DOCK5: variants seen among roughly 807,000 people sequenced by gnomAD.
The protein encoded by DOCK5 is dedicator of cytokinesis 5.
Under a neutral mutation model 251.8 loss-of-function variants are expected in DOCK5, and 142 were observed. That is an observed-to-expected ratio of 0.56 (90% CI 0.49 to 0.65). The LOEUF is 0.65. Ranked by LOEUF, DOCK5 falls within the 30% of genes least tolerant of loss-of-function variation. DOCK5 has a pLI of 0.00. For synonymous variants in DOCK5, 842 were observed against 835.5 expected (o/e 1.01, Z -0.13); for missense variants, 2,111 against 2,312.3 (o/e 0.91, Z 1.79).
In DOCK5 at chr8:25,286,646, A is replaced by G. The variant is rs574643904; in HGVS notation, c.322-5378A>G. Among the ~76,000 whole-genome samples the G allele has an allele frequency of 6.1e-4, 92 of 151,876 alleles. 1 individual carries two copies. The highest frequency in any genetic ancestry group is 6.8e-3 in the Middle Eastern group (2 of 294). ...GAAAGGGTTTTTGACTGTGGTCTGC[A>G]TTGTTTTTCTCTTTTTTGTTTTTTT... is the stretch of plus-strand genomic sequence containing the variant. On this transcript the variant is annotated intron_variant, in intron 5 of 51. Transcript: ENST00000276440.
At chr8:25,404,409 G>A (rs1801489868) in intron 48 of DOCK5, among the ~76,000 whole-genome samples, 1 of 152,068 alleles carries the variant, frequency 6.6e-6, no homozygotes, top group South Asian at 2.1e-4. Context: ...AATGCTTGGG[G>A]CCCGAAGTGT....
intron 1 of DOCK5, among the ~76,000 whole-genome samples, chr8:25,223,228 A>C (rs1586240956): frequency 1.3e-5 from 2 of 151,700 alleles, no homozygotes; most frequent in Non-Finnish European, 2.9e-5. Flanking sequence ...CTGGTCTTGA[A>C]CTCCTGGCCT....
intron 20 of DOCK5, 134 bp downstream of exon 20, chr8:25,332,826 G>A: frequency 3.0e-6 from 2 of 665,524 alleles, no homozygotes; most frequent in Non-Finnish European, 2.4e-6. Context: ...ATTGTTTTAG[G>A]CTGAATTCCT....
At chr8:25,305,986 A>G (rs927409980) in intron 11 of DOCK5, among the ~76,000 whole-genome samples, 4 of 152,182 alleles carry the variant, frequency 2.6e-5, no homozygotes, top group South Asian at 2.1e-4. Context: ...TAATCTTTCA[A>G]TGTTAAGTCC....
At chr8:25,286,141 T>A (rs75483082) in intron 5 of DOCK5, among the ~76,000 whole-genome samples, 377 of 151,998 alleles carry the variant, frequency 2.5e-3, no homozygotes, top group Non-Finnish European at 4.5e-3. Context: ...CTTCCCGGGG[T>A]CCCTGGAGTC....
At chr8:25,247,507 G>A (rs1803149350) in intron 2 of DOCK5, among the ~76,000 whole-genome samples, 1 of 151,982 alleles carries the variant, frequency 6.6e-6, no homozygotes, top group African/African-American at 2.4e-5. Flanking sequence ...TAAGGTGGGA[G>A]GATTGCTTGA....
At chr8:25,201,673 A>G (rs1801880586) in intron 1 of DOCK5, among the ~76,000 whole-genome samples, 2 of 152,182 alleles carry the variant, frequency 1.3e-5, no homozygotes, top group Admixed American at 1.3e-4. Context: ...TTGAAGTCCA[A>G]GTCTCCTAAC....
chr8:25,331,183 A>G (rs967453129), intron 18 of DOCK5, among the ~76,000 whole-genome samples: 7 of 151,920 alleles, frequency 4.6e-5, no homozygotes, highest in Non-Finnish European at 7.4e-5. Context: ...GATGTACTAA[A>G]CTAGGTGATA....
In DOCK5 at chr8:25,351,781, G is replaced by T. The variant is rs149707730; in HGVS notation, c.2805G>T (p.Arg935Ser). The T allele has an allele frequency of 2.5e-6, 4 of 1,613,768 alleles. No homozygotes were observed. In the Admixed American group the frequency reaches 6.7e-5, roughly 27 times the overall value. Reference protein sequence around the residue: ...IQLIMERLLRRINRTVIGMNR... With the variant: ...IQLIMERLLRSINRTVIGMNR... ...TTATAATGGAACGGCTGCTGAGAAG[G>T]ATCAACCGGACAGTGATTGGGATGA... The change falls in exon 27 of 52, where the codon AGG becomes AGT. Residue 935 changes from arginine to serine, a missense_variant. Coordinates refer to ENST00000276440, the MANE Select transcript of DOCK5 (RefSeq NM_024940.8).
intron 25 of DOCK5, 173 bp from the exon 26 acceptor site, chr8:25,345,302 G>T: frequency 3.1e-6 from 2 of 647,908 alleles, no homozygotes; most frequent in Non-Finnish European, 5.0e-6. Flanking sequence ...CAAGGGTAAA[G>T]TTCCGTGCCT....
chr8:25,234,943 GT>G (rs2117527537), intron 1 of DOCK5, among the ~76,000 whole-genome samples: 1 of 152,152 alleles, frequency 6.6e-6, no homozygotes, highest in East Asian at 1.9e-4. Context: ...ACTCCCACTG[GT>G]TTATTGATGA....
intron 2 of DOCK5, among the ~76,000 whole-genome samples, chr8:25,247,443 A>T (rs1435540189): frequency 6.6e-6 from 1 of 152,010 alleles, no homozygotes; most frequent in East Asian, 1.9e-4. Flanking sequence ...CAAAAAATTT[A>T]AAACTTAGCC....
chr8:25,209,342 A>G lies in DOCK5; in HGVS notation c.43+24391A>G, dbSNP rs369611410. On this transcript the variant is annotated intron_variant, in intron 1 of 51. Coordinates refer to ENST00000276440, the MANE Select transcript of DOCK5 (RefSeq NM_024940.8). ...CAGTGGTCCAGGATGCCAGTCTGGC[A>G]GTGCCAGGGAAGGATGCTTCCTTTC... is the stretch of plus-strand genomic sequence containing the variant. Among the ~76,000 whole-genome samples the G allele has an allele frequency of 1.3e-4, 9 of 71,246 alleles. 4 individuals carry two copies. Among genetic ancestry groups the G allele is most frequent in the African/African-American group, 2.9e-4 (9 of 31,512 alleles). 46.7% of individuals were successfully genotyped at this position (71,246 alleles called of 152,430 possible).
At position 25,395,685 on chromosome 8, in the gene DOCK5, C is replaced by T. The variant is rs1160711150; in HGVS notation, c.4670C>T (p.Pro1557Leu). The T allele has an allele frequency of 5.0e-6, 8 of 1,613,656 alleles. No individual in the cohort carries two copies. Among genetic ancestry groups the T allele is most frequent in the Non-Finnish European group, 6.8e-6 (8 of 1,179,854 alleles). The change falls in exon 45 of 52, where the codon CCG (proline) becomes CTG (leucine). Residue 1557 changes from proline to leucine, a missense_variant. This residue lies in a region of DOCK5 where 1,717 missense variants were observed against 1,892.4 expected (regional missense o/e 0.91). Coordinates refer to ENST00000276440, the MANE Select transcript of DOCK5 (RefSeq NM_024940.8). ...LSMLLSGIVD[P>L]AVMGGFSNYE... ...ATGCTGCTCAGTGGCATCGTGGACC[C>T]GGCCGTCATGGGGGGCTTCTCCAAC...
At chr8:25,206,877 G>C (rs1802014013) in intron 1 of DOCK5, among the ~76,000 whole-genome samples, 1 of 152,220 alleles carries the variant, frequency 6.6e-6, no homozygotes, top group South Asian at 2.1e-4. Context: ...CCATGTGGAA[G>C]CCAATGTTGT....
intron 9 of DOCK5, among the ~76,000 whole-genome samples, chr8:25,302,000 T>C (rs781204725): frequency 1.4e-4 from 22 of 152,178 alleles, no homozygotes; most frequent in African/African-American, 2.2e-4. Context: ...TCCAAAGATA[T>C]ACAATCGCAA....
At chr8:25,363,799 C>G (rs913553998) in intron 29 of DOCK5, among the ~76,000 whole-genome samples, 1 of 152,218 alleles carries the variant, frequency 6.6e-6, no homozygotes, top group Non-Finnish European at 1.5e-5. Context: ...ACCGGTCTTC[C>G]GCTAGCAGTG....
intron 39 of DOCK5, among the ~76,000 whole-genome samples, chr8:25,382,021 A>G (rs1801076393): frequency 6.6e-6 from 1 of 152,084 alleles, no homozygotes; most frequent in South Asian, 2.1e-4. Flanking sequence ...TTATTTTATT[A>G]TTATTTTTTC....
intron 22 of DOCK5, among the ~76,000 whole-genome samples, chr8:25,338,357 T>C (rs531028458): frequency 5.1e-4 from 77 of 152,328 alleles, no homozygotes; most frequent in African/African-American, 1.7e-3. Context: ...GTCAATAGTA[T>C]GAAAACTTCA....
Sources: gnomAD v4.1 joint callset for allele counts (sites outside exome capture counted in the v4.1 genomes callset) on GRCh38, gnomAD v4.1.1 for gene constraint, gnomAD v4.1.1 regional missense constraint, MANE v1.5 for transcripts, NCBI Gene and HGNC (gene_info 2026-07-23, HGNC 2026-07-21) for gene names.